The following PRKAR1A variants were observed in gnomAD, a reference collection of about 807,000 sequenced individuals.
The protein encoded by PRKAR1A is cAMP-dependent protein kinase type I-alpha regulatory subunit.
Under a neutral mutation model 52.0 loss-of-function variants are expected in PRKAR1A, and 3 were observed. The ratio of observed to expected loss-of-function variants is 0.06; its 90% CI spans 0.03 to 0.15. The LOEUF (loss-of-function observed/expected upper bound fraction) is 0.15, where lower values mean the gene tolerates loss of function less well. PRKAR1A is among the 10% of genes least tolerant of loss of function. The probability of loss-of-function intolerance (pLI) is 1.00; values close to 1 mark genes in which losing one functional copy is unlikely to be tolerated. For missense variants in PRKAR1A, 240 were observed against 477.4 expected (o/e 0.50, Z 4.63); for synonymous variants, 188 against 168.4 (o/e 1.12, Z -0.90).
At chr17:68,432,942 C>T in the PRKAR1A span, among the ~76,000 whole-genome samples, 4 of 152,194 alleles carry the variant, frequency 2.6e-5, no homozygotes, top group African/African-American at 9.7e-5. Flanking sequence ...TACTCTTTCC[C>T]TAGAGATTTT....
At chr17:68,438,884 G>A in the PRKAR1A span, among the ~76,000 whole-genome samples, 1 of 152,360 alleles carries the variant, frequency 6.6e-6, no homozygotes, top group South Asian at 2.1e-4. Flanking sequence ...ACAGGCGTGA[G>A]CCATCGTGCC....
At chr17:68,433,569 C>T in the PRKAR1A span, 3 of 1,613,450 alleles carry the variant, frequency 1.9e-6, no homozygotes, top group Admixed American at 1.7e-5. Context: ...AGCTGATTGT[C>T]ACATACCTAC....
chr17:68,428,038 T>G, the PRKAR1A span, among the ~76,000 whole-genome samples: 5,665 of 151,786 alleles, frequency 0.037, 367 homozygotes, highest in African/African-American at 0.13. Flanking sequence ...CTACAAGGCA[T>G]GTACCACCAT....
downstream of PRKAR1A, chr17:68,536,489 T>G (rs1461816567): frequency 2.2e-6 from 1 of 454,124 alleles, no homozygotes; most frequent in African/African-American, 2.0e-5. Flanking sequence ...TAAGGGAGGC[T>G]TCAATAAAAA....
chr17:68,540,523 T>G, intron 11 of PRKAR1A: 1 of 486,856 alleles, frequency 2.1e-6, no homozygotes, highest in Non-Finnish European at 4.0e-6. Flanking sequence ...TGCTACATAT[T>G]TGTGTACTTT....
chr17:68,427,095 C>G, the PRKAR1A span: 1 of 1,533,962 alleles, frequency 6.5e-7, no homozygotes. Flanking sequence ...AGGGAGGTCA[C>G]TGTTGGAGAT....
At chr17:68,436,481 TG>T in the PRKAR1A span, 1 of 1,613,428 alleles carries the variant, frequency 6.2e-7, no homozygotes, top group Non-Finnish European at 8.5e-7. Context: ...CACATAGACC[TG>T]GCAAAGAAGA....
intron 9 of PRKAR1A, among the ~76,000 whole-genome samples, chr17:68,529,274 A>T (rs188974462): frequency 2.2e-4 from 33 of 152,322 alleles, no homozygotes; most frequent in African/African-American, 7.9e-4. Flanking sequence ...TTAACATAAC[A>T]AACTGTGATG....
At chr17:68,496,320 G>T in the PRKAR1A span, among the ~76,000 whole-genome samples, 1 of 151,706 alleles carries the variant, frequency 6.6e-6, no homozygotes, top group Non-Finnish European at 1.5e-5. Flanking sequence ...GGGATTACAG[G>T]CATGAGCCAC....
chr17:68,437,003 A>T, the PRKAR1A span, among the ~76,000 whole-genome samples: 33 of 60,398 alleles, frequency 5.5e-4, no homozygotes, highest in Admixed American at 3.7e-3. Flanking sequence ...CAAAAAAAAA[A>T]AAATATATAT....
At chr17:68,540,363 G>A (rs920942449) in intron 11 of PRKAR1A, among the ~76,000 whole-genome samples, 7 of 152,172 alleles carry the variant, frequency 4.6e-5, no homozygotes, top group African/African-American at 1.7e-4. Flanking sequence ...TGAAAGGCAC[G>A]ATGATGAGCC....
intron 3 of PRKAR1A, among the ~76,000 whole-genome samples, chr17:68,523,471 T>G (rs558144570): frequency 6.6e-6 from 1 of 152,366 alleles, no homozygotes; most frequent in South Asian, 2.1e-4. Context: ...TTTGATTTGT[T>G]TCTTTAGTTG....
chr17:68,539,612 C>T (rs1027219828), intron 11 of PRKAR1A, among the ~76,000 whole-genome samples: 1 of 152,238 alleles, frequency 6.6e-6, no homozygotes, highest in Non-Finnish European at 1.5e-5. Flanking sequence ...TCACTAGCTG[C>T]AGAGGGCCAG....
At chr17:68,474,974 T>C in the PRKAR1A span, among the ~76,000 whole-genome samples, 2 of 152,234 alleles carry the variant, frequency 1.3e-5, no homozygotes, top group Non-Finnish European at 1.5e-5. Context: ...TAATGTCTTT[T>C]TAAGTTCTAA....
chr17:68,427,514 G>A, the PRKAR1A span: 18 of 268,498 alleles, frequency 6.7e-5, 1 homozygote, highest in South Asian at 5.7e-4. Flanking sequence ...CCACCACAGC[G>A]CCTGGCTAAT....
the PRKAR1A span, among the ~76,000 whole-genome samples, chr17:68,424,925 G>T: frequency 3.3e-5 from 5 of 152,212 alleles, no homozygotes; most frequent in Non-Finnish European, 7.3e-5. Context: ...ATGATTTCAG[G>T]TTGACTATCT....
chr17:68,524,559 T>G (rs1008323715), intron 5 of PRKAR1A, among the ~76,000 whole-genome samples: 1 of 152,200 alleles, frequency 6.6e-6, no homozygotes, highest in African/African-American at 2.4e-5. Context: ...TTCTTGACAT[T>G]TTATGAGTGG....
chr17:68,532,682 C>T lies in PRKAR1A; in HGVS notation c.*2233C>T, dbSNP rs1339790293. ...CTTCCTGATTACCAGTCTGATTATA[C>T]CATGTGTGCTAATATACTTTTTTTG... On this transcript the variant is annotated 3_prime_UTR_variant, in exon 11 of 11. Coordinates refer to ENST00000589228, the MANE Select transcript of PRKAR1A (RefSeq NM_002734.5). 9.4e-7 allele frequency: 1 copy of T among 1,066,052 alleles called. No individual in the cohort carries two copies. Among genetic ancestry groups the T allele is most frequent in the Non-Finnish European group, 1.1e-6 (1 of 879,604 alleles). The allele number at this position is 1,066,052 out of a possible 1,614,324, so 66.0% of individuals were successfully genotyped here. A position where few individuals can be genotyped will look rare whatever the true frequency, so the allele number is the denominator to read the frequency against.
chr17:68,426,250 G>GGT, the PRKAR1A span: 4 of 828,046 alleles, frequency 4.8e-6, 1 homozygote, highest in Non-Finnish European at 7.7e-6. Flanking sequence ...GGTGGGGAGC[G>GGT]GGGGCTCAAA....
Sources: gnomAD v4.1 joint callset for allele counts (sites outside exome capture counted in the v4.1 genomes callset) on GRCh38, gnomAD v4.1.1 for gene constraint, MANE v1.5 for transcripts, NCBI Gene and HGNC (gene_info 2026-07-23, HGNC 2026-07-21) for gene names.